Variants in AGBL4 observed in about 807,000 individuals in gnomAD.
AGBL4 encodes the protein cytosolic carboxypeptidase 6.
A neutral mutation model predicts 66.4 loss-of-function variants in AGBL4; 58 were observed. The observed-to-expected ratio is 0.87, with a 90% CI of 0.71 to 1.09. The LOEUF is 1.09. Among genes scored for constraint, AGBL4 ranks in the 50% least tolerant of loss-of-function variants. The probability of loss-of-function intolerance (pLI) is 0.00; values close to 1 mark genes in which losing one functional copy is unlikely to be tolerated. For synonymous variants in AGBL4, 234 were observed against 222.9 expected (o/e 1.05, Z -0.44); for missense variants, 579 against 631.0 (o/e 0.92, Z 0.88).
chr1:49,405,466 C>T (rs1557909888), intron 3 of AGBL4, among the ~76,000 whole-genome samples: 1 of 152,116 alleles, frequency 6.6e-6, no homozygotes. Context: ...TCCATGGGCT[C>T]ATGATAAGTA....
chr1:49,615,835 A>C (rs1478739314), intron 3 of AGBL4, among the ~76,000 whole-genome samples: 1 of 152,158 alleles, frequency 6.6e-6, no homozygotes, highest in Admixed American at 6.5e-5. Flanking sequence ...TGGAGGATAC[A>C]AGGAAATATG....
At position 49,051,526 on chromosome 1, in the gene AGBL4, G is replaced by A. The variant is rs373204950; in HGVS notation, c.378-5726C>T. ...GTAAGATTTCATTCCTTTTCCCTTCGTGAGGGCAGCTGAATCTCTCATTTG... is the reference window on the plus strand; with the variant it reads ...GTAAGATTTCATTCCTTTTCCCTTCATGAGGGCAGCTGAATCTCTCATTTG... On this transcript the variant is annotated intron_variant, in intron 4 of 13. Coordinates refer to ENST00000371839, the MANE Select transcript of AGBL4 (RefSeq NM_032785.4). 3.5e-4 allele frequency among the ~76,000 whole-genome samples: 54 copies of A among 152,142 alleles called. 1 individual carries two copies. The South Asian group carries it at 0.01, about 29-fold the overall frequency.
At chr1:49,487,889 A>G (rs1288643949) in intron 3 of AGBL4, among the ~76,000 whole-genome samples, 1 of 151,904 alleles carries the variant, frequency 6.6e-6, no homozygotes, top group Non-Finnish European at 1.5e-5. Flanking sequence ...TAATTAAAGG[A>G]TAGGTTTCAA....
At position 49,181,283 on chromosome 1, in the gene AGBL4, C is replaced by T. The variant is rs139638204; in HGVS notation, c.377+64487G>A. On this transcript the variant is annotated intron_variant, in intron 4 of 13. Coordinates refer to ENST00000371839, the MANE Select transcript of AGBL4 (RefSeq NM_032785.4). Reference sequence around the variant, plus strand: ...GCCTCCTTCCTTCTCTCTGTCTCTCCAAACTCATCCTTAAACATTGAGGTT... The same window carrying T: ...GCCTCCTTCCTTCTCTCTGTCTCTCTAAACTCATCCTTAAACATTGAGGTT... Among the ~76,000 whole-genome samples, 444 of 152,302 alleles carry T rather than the reference C, an allele frequency of 2.9e-3. 2 individuals are homozygous for T. The highest frequency in any genetic ancestry group is 4.9e-3 in the Non-Finnish European group (335 of 68,018).
At chr1:48,747,095 A>G (rs2148614549) in intron 6 of AGBL4, among the ~76,000 whole-genome samples, 1 of 152,344 alleles carries the variant, frequency 6.6e-6, no homozygotes, top group South Asian at 2.1e-4. Context: ...GCTTTTAAAA[A>G]ATTTCTGAGG....
chr1:49,986,064 C>A (rs1659478620), intron 1 of AGBL4, among the ~76,000 whole-genome samples: 1 of 152,110 alleles, frequency 6.6e-6, no homozygotes, highest in Admixed American at 6.5e-5. Context: ...TGATTTTTAA[C>A]TCTTTTTATG....
At chr1:49,159,468 C>G (rs148809815) in intron 4 of AGBL4, among the ~76,000 whole-genome samples, 1 of 152,010 alleles carries the variant, frequency 6.6e-6, no homozygotes, top group Non-Finnish European at 1.5e-5. Flanking sequence ...GTGGGTAACC[C>G]GACCTTTCTC....
chr1:49,802,429 T>G (rs1282313165), intron 2 of AGBL4, among the ~76,000 whole-genome samples: 1 of 152,182 alleles, frequency 6.6e-6, no homozygotes, highest in African/African-American at 2.4e-5. Context: ...GTAACCAGCT[T>G]TTGCTGCAAC....
At chr1:48,831,617 G>T (rs948927367) in intron 6 of AGBL4, among the ~76,000 whole-genome samples, 1 of 152,142 alleles carries the variant, frequency 6.6e-6, no homozygotes, top group African/African-American at 2.4e-5. Flanking sequence ...CTGAATCATA[G>T]CCACTAACTC....
At chr1:49,673,552 C>CCTAT (rs1474110417) in intron 3 of AGBL4, among the ~76,000 whole-genome samples, 2 of 152,168 alleles carry the variant, frequency 1.3e-5, no homozygotes, top group East Asian at 3.8e-4. Context: ...TATATCAAAA[C>CCTAT]ATCTCATGTA....
At chr1:48,882,648 G>A (rs1158144073) in intron 5 of AGBL4, among the ~76,000 whole-genome samples, 4 of 152,182 alleles carry the variant, frequency 2.6e-5, no homozygotes, top group South Asian at 4.2e-4. Flanking sequence ...GAACACTCAC[G>A]ATATATTCTC....
At chr1:49,599,371 AT>A (rs1373618144) in intron 3 of AGBL4, among the ~76,000 whole-genome samples, 10 of 152,044 alleles carry the variant, frequency 6.6e-5, no homozygotes, top group South Asian at 2.1e-4. Flanking sequence ...TTTCACCTAG[AT>A]TTTCTAGTGT....
chr1:49,433,116 C>A (rs1040112862), intron 3 of AGBL4, among the ~76,000 whole-genome samples: 1 of 152,134 alleles, frequency 6.6e-6, no homozygotes, highest in South Asian at 2.1e-4. Flanking sequence ...ACACCTTGCC[C>A]TATGCATCTC....
intron 6 of AGBL4, among the ~76,000 whole-genome samples, chr1:48,755,689 T>C (rs1652441349): frequency 6.6e-6 from 1 of 152,138 alleles, no homozygotes; most frequent in South Asian, 2.1e-4. Context: ...AGGGGATATC[T>C]TACCAGACTT....
chr1:49,785,695 A>G (rs528848995), intron 2 of AGBL4, among the ~76,000 whole-genome samples: 8 of 151,912 alleles, frequency 5.3e-5, no homozygotes, highest in Admixed American at 2.0e-4. Context: ...ACTATTTCCA[A>G]TGGTTTTCCT....
At position 48,860,019 on chromosome 1, in the gene AGBL4, G is replaced by A. The variant is rs111679528; in HGVS notation, c.634+7172C>T. 1.5e-3 allele frequency among the ~76,000 whole-genome samples: 235 copies of A among 152,226 alleles called. 4 individuals carry two copies. The highest frequency in any genetic ancestry group is 5.5e-3 in the African/African-American group (228 of 41,530). On this transcript the variant is annotated intron_variant, in intron 6 of 13. Coordinates refer to ENST00000371839, the MANE Select transcript of AGBL4 (RefSeq NM_032785.4). Reference sequence around the variant, plus strand: ...TTCACACTACATTCGAATAACAATAGTTTATATGGTATCATTCAAATTTCA... The same window carrying A: ...TTCACACTACATTCGAATAACAATAATTTATATGGTATCATTCAAATTTCA...
intron 6 of AGBL4, among the ~76,000 whole-genome samples, chr1:48,769,957 G>T (rs570180442): frequency 1.3e-5 from 2 of 152,174 alleles, no homozygotes; most frequent in Non-Finnish European, 2.9e-5. Flanking sequence ...TTAAGGAAAT[G>T]ATCTAGAAGT....
intron 1 of AGBL4, among the ~76,000 whole-genome samples, chr1:49,879,677 C>T (rs1223020197): frequency 7.2e-6 from 1 of 139,724 alleles, no homozygotes; most frequent in Non-Finnish European, 1.5e-5. Context: ...TTATGGCGTT[C>T]TCTGTATTTC....
rs183599500 is a variant in AGBL4, at chr1:49,662,002, T to C, written c.282+35311A>G. On this transcript the variant is annotated intron_variant, in intron 3 of 13. Transcript: ENST00000371839. ...GGCAATAAAAATAATTTATTATTGA[T>C]ACATGTAACAACAAAAATAAATCTC... 2.6e-5 allele frequency among the ~76,000 whole-genome samples: 4 copies of C among 152,112 alleles called. No homozygotes were observed. The East Asian group carries it at 5.8e-4, about 22-fold the overall frequency.
Sources: gnomAD v4.1 joint callset for allele counts (sites outside exome capture counted in the v4.1 genomes callset) on GRCh38, gnomAD v4.1.1 for gene constraint, MANE v1.5 for transcripts, NCBI Gene and HGNC (gene_info 2026-07-23, HGNC 2026-07-21) for gene names.